Variants in KPNA7 observed in about 807,000 individuals in gnomAD.
KPNA7 encodes karyopherin subunit alpha 7.
KPNA7 carries 54 observed loss-of-function variants against 53.7 expected under a neutral mutation model. The ratio of observed to expected loss-of-function variants is 1.01; its 90% confidence interval spans 0.81 to 1.26. The LOEUF (loss-of-function observed/expected upper bound fraction) is 1.26, where lower values mean the gene tolerates loss of function less well. Ranked by LOEUF, KPNA7 falls within the 50% of genes most tolerant of loss-of-function variation. The pLI, the probability that KPNA7 is intolerant of heterozygous loss-of-function variation, is 0.00. For missense variants in KPNA7, 640 were observed against 644.5 expected, an observed-to-expected ratio of 0.99 and a Z score of 0.07; for synonymous variants, 276 against 259.3, an observed-to-expected ratio of 1.06 and a Z score of -0.62.
chr7:99,215,600 CT>C (rs1791197663), intron 1 of KPNA7, among the ~76,000 whole-genome samples: 1 of 150,796 alleles, frequency 6.6e-6, no homozygotes, highest in South Asian at 2.1e-4. Context: ...CTTCTCCAGG[CT>C]TCTCTGGTCA....
At chr7:99,192,250 G>A (rs890730703) in intron 6 of KPNA7, among the ~76,000 whole-genome samples, 9 of 152,104 alleles carry the variant, frequency 5.9e-5, no homozygotes, top group African/African-American at 2.2e-4. Context: ...AGGCATATAT[G>A]CTAAACTGTG....
At chr7:99,148,735 G>A in the KPNA7 span, among the ~76,000 whole-genome samples, 3 of 152,152 alleles carry the variant, frequency 2.0e-5, no homozygotes, top group Admixed American at 1.3e-4. Context: ...GGGACTACAG[G>A]CATGTGCCAC....
Position 99,188,427 on chromosome 7 carries a change from A to G in KPNA7, c.773T>C (p.Leu258Pro). The change falls in exon 7 of 11, where the codon CTC becomes CCC. Residue 258 changes from leucine (L) to proline (P), a missense_variant. Transcript: ENST00000327442. Reference protein sequence around the residue: ...HLLQHQDSEVLSDACWALSYL... With the variant: ...HLLQHQDSEVPSDACWALSYL... The stretch of plus-strand genomic sequence containing the variant: ...GGACAGTGCCCAGCAGGCATCCGAG[A>G]GAACCTCACTGTCCTGGTGCTGCAG... 1 of 1,551,636 alleles carries G rather than the reference A, an allele frequency of 6.4e-7. No individual in the cohort carries two copies. The highest frequency in any genetic ancestry group is 8.7e-7 in the Non-Finnish European group (1 of 1,146,994).
At chr7:99,202,092 T>C (rs1007524966) in intron 3 of KPNA7, among the ~76,000 whole-genome samples, 1 of 152,062 alleles carries the variant, frequency 6.6e-6, no homozygotes, top group African/African-American at 2.4e-5. Context: ...AGAGATATAG[T>C]TTGGACTCCT....
upstream of KPNA7, among the ~76,000 whole-genome samples, chr7:99,208,125 G>A (rs1011748427): frequency 2.0e-5 from 3 of 151,820 alleles, no homozygotes; most frequent in Admixed American, 2.0e-4. Flanking sequence ...CACCCGGGCT[G>A]GAGTGCATTG....
At chr7:99,192,836 G>A (rs1563079175) in intron 6 of KPNA7, among the ~76,000 whole-genome samples, 183 bp downstream of exon 6, 1 of 152,066 alleles carries the variant, frequency 6.6e-6, no homozygotes, top group Non-Finnish European at 1.5e-5. Context: ...CTCATTTAAA[G>A]ACATCCACTT....
chr7:99,155,716 A>C, the KPNA7 span, among the ~76,000 whole-genome samples: 16 of 149,444 alleles, frequency 1.1e-4, no homozygotes, highest in Admixed American at 4.7e-4. Context: ...GCATGCCACC[A>C]CACTAATTTT....
chr7:99,157,153 C>A, the KPNA7 span, among the ~76,000 whole-genome samples: 1 of 152,116 alleles, frequency 6.6e-6, no homozygotes, highest in African/African-American at 2.4e-5. Context: ...TAATTCCCCC[C>A]GATTCTGACT....
intron 1 of KPNA7, among the ~76,000 whole-genome samples, chr7:99,213,430 T>TTA (rs869152161): frequency 9.6e-5 from 7 of 72,910 alleles, no homozygotes; most frequent in South Asian, 8.8e-4. Flanking sequence ...CCTGGCCTTT[T>TTA]AAAAAAAAAA....
At chr7:99,209,095 T>G (rs991616935), upstream of KPNA7, among the ~76,000 whole-genome samples, 12 of 151,998 alleles carry the variant, frequency 7.9e-5, no homozygotes, top group African/African-American at 2.7e-4. Flanking sequence ...GAGGTTGCAG[T>G]GAGCTGAGAT....
At chr7:99,193,184 A>C (rs530577431) in intron 5 of KPNA7, 83 bp from the exon 6 acceptor site, 12 of 814,346 alleles carry the variant, frequency 1.5e-5, no homozygotes, top group Middle Eastern at 4.8e-4. Flanking sequence ...AGAGTGTGCA[A>C]AGGGCAAGAG....
At chr7:99,167,363 G>A in the KPNA7 span, among the ~76,000 whole-genome samples, 4 of 152,278 alleles carry the variant, frequency 2.6e-5, no homozygotes, top group East Asian at 1.9e-4. Context: ...GCAGGTGAGC[G>A]AAGCTGAGCT....
downstream of KPNA7, among the ~76,000 whole-genome samples, chr7:99,168,995 C>T (rs937055487): frequency 2.6e-5 from 4 of 152,102 alleles, no homozygotes; most frequent in Non-Finnish European, 5.9e-5. Flanking sequence ...TGAGACCATC[C>T]TGGCCAACAT....
At chr7:99,215,369 CAAAAAAAAAAAAAAAA>C (rs533680824) in intron 1 of KPNA7, among the ~76,000 whole-genome samples, 1 of 52,056 alleles carries the variant, frequency 1.9e-5, no homozygotes, top group Non-Finnish European at 3.3e-5. Context: ...GAGACTGTCT[CAAAAAAAAAAAAAAAA>C]AAAAAAAAAA....
intron 6 of KPNA7, among the ~76,000 whole-genome samples, chr7:99,192,559 T>A (rs539791724): frequency 1.7e-4 from 26 of 152,154 alleles, no homozygotes; most frequent in Admixed American, 2.0e-4. Flanking sequence ...ACTACAGGTG[T>A]ACGCTACCAT....
chr7:99,169,591 T>G (rs146471720), downstream of KPNA7, among the ~76,000 whole-genome samples: 3,975 of 152,146 alleles, frequency 0.026, 384 homozygotes, highest in East Asian at 0.21. Context: ...CACTCCAGCC[T>G]GGGCGACAGA....
chr7:99,163,901 A>G, the KPNA7 span, among the ~76,000 whole-genome samples: 4,220 of 152,212 alleles, frequency 0.028, 85 homozygotes, highest in Non-Finnish European at 0.043. Flanking sequence ...CTACTTAAAA[A>G]GAATTTCTCG....
intron 6 of KPNA7, among the ~76,000 whole-genome samples, chr7:99,191,841 G>A (rs532734633): frequency 2.0e-5 from 3 of 152,084 alleles, no homozygotes; most frequent in Non-Finnish European, 4.4e-5. Flanking sequence ...GTAGAGATAG[G>A]ATTTCGCCAT....
the KPNA7 span, among the ~76,000 whole-genome samples, chr7:99,148,759 C>G: frequency 3.3e-5 from 5 of 151,958 alleles, no homozygotes; most frequent in Admixed American, 6.6e-5. Flanking sequence ...ACATACCTGG[C>G]TAAATTTTTT....
Sources: gnomAD v4.1 joint callset for allele counts (sites outside exome capture counted in the v4.1 genomes callset) on GRCh38, gnomAD v4.1.1 for gene constraint, MANE v1.5 for transcripts, NCBI Gene and HGNC (gene_info 2026-07-23, HGNC 2026-07-21) for gene names.